The following SYCP1 variants were observed in gnomAD, a reference collection of about 807,000 sequenced individuals.
The protein encoded by SYCP1 is cancer/testis antigen 8.
A neutral mutation model predicts 153.1 loss-of-function variants in SYCP1; 64 were observed. The ratio of observed to expected loss-of-function variants is 0.42; its 90% CI spans 0.34 to 0.51. The LOEUF is 0.51. Ranked by LOEUF, SYCP1 falls within the 20% of genes least tolerant of loss-of-function variation. The probability of loss-of-function intolerance (pLI) is 0.06; values close to 1 mark genes in which losing one functional copy is unlikely to be tolerated. For missense variants in SYCP1, 997 were observed against 1,049.0 expected (o/e 0.95, Z 0.68); for synonymous variants, 384 against 341.8 (o/e 1.12, Z -1.36).
rs577463378 is a variant in SYCP1, at chr1:114,909,355, C to G, written c.1321-1042C>G. ...CACCATTGGGACAAAGCTACCAAAA[C>G]TGACAAACTCACTCCTCTTCCAGCC... On this transcript the variant is annotated intron_variant, in intron 16 of 31. Transcript: ENST00000369522. 3.9e-5 allele frequency among the ~76,000 whole-genome samples: 6 copies of G among 152,098 alleles called. No homozygotes were observed. In the East Asian group the frequency reaches 1.2e-3, roughly 29 times the overall value.
chr1:114,903,095 G>T (rs769105834), intron 16 of SYCP1, among the ~76,000 whole-genome samples: 2 of 152,272 alleles, frequency 1.3e-5, no homozygotes, highest in South Asian at 2.1e-4. Context: ...ACAGAGAATC[G>T]CTTGAGCCCG....
intron 23 of SYCP1, among the ~76,000 whole-genome samples, chr1:114,928,253 A>G (rs1322692158): frequency 1.3e-5 from 2 of 152,022 alleles, no homozygotes; most frequent in African/African-American, 4.8e-5. Context: ...TATCTTAGTC[A>G]AAGTGCTAAA....
chr1:114,993,700 A>G (rs555651988), intron 30 of SYCP1, among the ~76,000 whole-genome samples: 2 of 151,624 alleles, frequency 1.3e-5, no homozygotes, highest in Admixed American at 1.3e-4. Context: ...TTAAGTGACA[A>G]CATTATATTT....
intron 28 of SYCP1, among the ~76,000 whole-genome samples, chr1:114,978,638 G>T (rs565374857): frequency 2.0e-5 from 3 of 151,530 alleles, no homozygotes; most frequent in Non-Finnish European, 4.4e-5. Flanking sequence ...TCCCACAGAG[G>T]TTGCTCTGAT....
intron 16 of SYCP1, among the ~76,000 whole-genome samples, chr1:114,902,601 C>T (rs997362739): frequency 2.7e-5 from 4 of 150,502 alleles, no homozygotes; most frequent in Admixed American, 2.6e-4. Flanking sequence ...GAGGCCCCGC[C>T]CTGTCCTCCC....
rs143985792 is a variant in SYCP1 at position 114,927,805 on chromosome 1, GA to G, written c.1926+1243del. 7.8e-3 allele frequency among the ~76,000 whole-genome samples: 1,189 copies of G among 152,178 alleles called. 22 individuals carry two copies. Among genetic ancestry groups the G allele is most frequent in the African/African-American group, 0.028 (1,144 of 41,526 alleles). On this transcript the variant is annotated intron_variant, in intron 23 of 31. Transcript: ENST00000369522. ...ATTGGAGTCCCCAAGTAAGAAGAGAGAGAGAATAGGGCAAATAAAATTTTCG... is the reference window on the plus strand; with the variant it reads ...ATTGGAGTCCCCAAGTAAGAAGAGAGGAGAATAGGGCAAATAAAATTTTCG...
intron 23 of SYCP1, 66 bp downstream of exon 23, chr1:114,926,629 T>C (rs1223632762): frequency 1.5e-6 from 2 of 1,334,622 alleles, no homozygotes; most frequent in African/African-American, 3.0e-5. Context: ...GACATTTTAT[T>C]CCACTTGTTT....
At chr1:114,871,278 G>C (rs551364195) in intron 8 of SYCP1, among the ~76,000 whole-genome samples, 1 of 150,390 alleles carries the variant, frequency 6.6e-6, no homozygotes, top group Non-Finnish European at 1.5e-5. Flanking sequence ...AGTGATTCTC[G>C]TGCTTCAGCC....
At chr1:114,918,147 G>C (rs895156454) in intron 20 of SYCP1, among the ~76,000 whole-genome samples, 3 of 151,978 alleles carry the variant, frequency 2.0e-5, no homozygotes, top group African/African-American at 7.2e-5. Context: ...GATCCATTTT[G>C]ATTTGATTTT....
At chr1:114,956,641 A>G (rs1334854306) in intron 27 of SYCP1, among the ~76,000 whole-genome samples, 1 of 152,078 alleles carries the variant, frequency 6.6e-6, no homozygotes, top group Non-Finnish European at 1.5e-5. Flanking sequence ...TTCTGAACTC[A>G]GGTCCCTGGT....
chr1:114,873,124 G>T (rs190191974), intron 8 of SYCP1, among the ~76,000 whole-genome samples: 2 of 152,230 alleles, frequency 1.3e-5, no homozygotes, highest in Non-Finnish European at 2.9e-5. Flanking sequence ...ACTGGTCTGG[G>T]ATAATTCTGA....
At chr1:114,978,206 A>G (rs1157630570) in intron 28 of SYCP1, among the ~76,000 whole-genome samples, 1 of 151,650 alleles carries the variant, frequency 6.6e-6, no homozygotes, top group Non-Finnish European at 1.5e-5. Context: ...CAAATTAGAC[A>G]AATTTATCTT....
chr1:114,912,794 T>C (rs1668266842), intron 18 of SYCP1, among the ~76,000 whole-genome samples: 1 of 151,928 alleles, frequency 6.6e-6, no homozygotes, highest in South Asian at 2.1e-4. Flanking sequence ...CAAGGAAATA[T>C]ATTGTATGAC....
At chr1:114,907,983 T>G (rs1667925713) in intron 16 of SYCP1, among the ~76,000 whole-genome samples, 1 of 152,154 alleles carries the variant, frequency 6.6e-6, no homozygotes, top group African/African-American at 2.4e-5. Flanking sequence ...AGAAAAATGA[T>G]CTTTTATATT....
intron 24 of SYCP1, 141 bp from the exon 25 acceptor site, chr1:114,944,731 A>C (rs1670587588): frequency 1.4e-6 from 1 of 691,894 alleles, no homozygotes; most frequent in Non-Finnish European, 2.4e-6. Context: ...AAAAAACCCC[A>C]AACAGTGCAT....
intron 25 of SYCP1, among the ~76,000 whole-genome samples, chr1:114,945,540 G>A (rs964118910): frequency 1.1e-4 from 16 of 151,342 alleles, no homozygotes; most frequent in African/African-American, 3.9e-4. Flanking sequence ...AGATTATTAT[G>A]AGGGAAGTGG....
At chr1:114,930,258 T>C (rs1669535873) in intron 23 of SYCP1, among the ~76,000 whole-genome samples, 1 of 152,020 alleles carries the variant, frequency 6.6e-6, no homozygotes, top group African/African-American at 2.4e-5. Context: ...TCTAGGTTTT[T>C]ATCTAGAAAC....
At chr1:114,950,068 A>G (rs963441771) in intron 27 of SYCP1, among the ~76,000 whole-genome samples, 3 of 152,210 alleles carry the variant, frequency 2.0e-5, no homozygotes, top group African/African-American at 7.2e-5. Flanking sequence ...TCCCTCCCAA[A>G]GGAAGAATTA....
At chr1:114,986,141 G>A (rs549503057) in intron 30 of SYCP1, among the ~76,000 whole-genome samples, 1 of 152,010 alleles carries the variant, frequency 6.6e-6, no homozygotes, top group South Asian at 2.1e-4. Context: ...AATCCCCCAT[G>A]GATACTAAGA....
Sources: allele counts gnomAD v4.1 joint callset (sites outside exome capture counted in the v4.1 genomes callset), GRCh38; gene constraint gnomAD v4.1.1; transcripts MANE v1.5; gene names NCBI Gene and HGNC (gene_info 2026-07-23, HGNC 2026-07-21).